MAML2: variants seen among roughly 807,000 people sequenced by gnomAD.
MAML2 encodes mastermind-like protein 2.
Under a neutral mutation model 96.1 loss-of-function variants are expected in MAML2, and 22 were observed. The observed-to-expected ratio is 0.23, with a 90% CI of 0.16 to 0.33. MAML2 has a LOEUF of 0.33. Ranked by LOEUF, MAML2 falls within the 10% of genes least tolerant of loss-of-function variation. The probability of loss-of-function intolerance (pLI) is 1.00; values close to 1 mark genes in which losing one functional copy is unlikely to be tolerated. For synonymous variants in MAML2, 561 were observed against 521.3 expected (o/e 1.08, Z -1.04); for missense variants, 1,367 against 1,392.4 (o/e 0.98, Z 0.29).
At chr11:96,159,442 T>C (rs1264359005) in intron 1 of MAML2, among the ~76,000 whole-genome samples, 2 of 110,138 alleles carry the variant, frequency 1.8e-5, no homozygotes, top group Non-Finnish European at 3.7e-5. Context: ...AGACGGAGTC[T>C]CGCTCTGTCA....
chr11:96,183,402 C>CA (rs928286549), intron 1 of MAML2, among the ~76,000 whole-genome samples: 9 of 51,430 alleles, frequency 1.7e-4, no homozygotes, highest in Non-Finnish European at 3.2e-4. Flanking sequence ...CTCCCCCCCC[C>CA]CCCTTTCTTT....
chr11:96,259,109 G>A (rs1441709517), intron 1 of MAML2, among the ~76,000 whole-genome samples: 1 of 152,112 alleles, frequency 6.6e-6, no homozygotes, highest in Non-Finnish European at 1.5e-5. Context: ...CTTGTATCTT[G>A]AAGTTCCTTC....
In MAML2 at chr11:96,148,479, G is replaced by A. The variant is rs141777998; in HGVS notation, c.514-54962C>T. ...TAACATGAAAAAAAAAAAAGCCTAGGTGTGGTCATTCTTTCTGGAGGCCTG... is the reference window on the plus strand; with the variant it reads ...TAACATGAAAAAAAAAAAAGCCTAGATGTGGTCATTCTTTCTGGAGGCCTG... On this transcript the variant is annotated intron_variant, in intron 1 of 4. Coordinates refer to ENST00000524717, the MANE Select transcript of MAML2 (RefSeq NM_032427.4). 3.1e-3 allele frequency among the ~76,000 whole-genome samples: 476 copies of A among 151,902 alleles called. 2 individuals carry two copies. Among genetic ancestry groups the A allele is most frequent in the Middle Eastern group, 0.01 (3 of 294 alleles).
Position 96,092,628 on chromosome 11 carries a change from G to A in MAML2, c.1403C>T (p.Ala468Val). The A allele has an allele frequency of 6.2e-7, 1 of 1,613,770 alleles. No homozygotes were observed. The highest frequency in any genetic ancestry group is 8.5e-7 in the Non-Finnish European group (1 of 1,179,782). Reference sequence around the variant, plus strand: ...CCCAAATGGACCTGGTGATGGTCCAGCAGAAGAGGGCAAGGCTGACCAGTT... The same window carrying A: ...CCCAAATGGACCTGGTGATGGTCCAACAGAAGAGGGCAAGGCTGACCAGTT... The part of the protein sequence containing the change: ...PTNWSALPSS[A>V]GPSPGPFGQE... Residue 468 changes from alanine to valine, a missense_variant, in exon 2 of 5, where the codon GCT (alanine) becomes GTT (valine). Coordinates refer to ENST00000524717, the MANE Select transcript of MAML2 (RefSeq NM_032427.4). The surrounding 1 kb of genome is among the most constrained non-coding windows in gnomAD (Gnocchi z 4.1).
chr11:96,116,407 T>C (rs904523025), intron 1 of MAML2, among the ~76,000 whole-genome samples: 1 of 152,144 alleles, frequency 6.6e-6, no homozygotes, highest in African/African-American at 2.4e-5. Flanking sequence ...ATTATAACAC[T>C]GAAGATTTGG....
intron 1 of MAML2, among the ~76,000 whole-genome samples, chr11:96,122,217 A>G (rs1860360162): frequency 6.6e-6 from 1 of 152,000 alleles, no homozygotes; most frequent in South Asian, 2.1e-4. Context: ...ATGTAGATAC[A>G]GCTATGCTTT....
chr11:95,994,738 T>A (rs1227913746), intron 2 of MAML2, among the ~76,000 whole-genome samples: 1 of 152,240 alleles, frequency 6.6e-6, no homozygotes, highest in Non-Finnish European at 1.5e-5. Context: ...GAGTTTTATG[T>A]AAGACTTTCA....
At chr11:96,273,305 A>T (rs1862941130) in intron 1 of MAML2, among the ~76,000 whole-genome samples, 1 of 152,216 alleles carries the variant, frequency 6.6e-6, no homozygotes. Flanking sequence ...TTTTGGAAAA[A>T]AAGTTTATCT....
chr11:96,025,799 G>T (rs931386025), intron 2 of MAML2, among the ~76,000 whole-genome samples: 1 of 151,942 alleles, frequency 6.6e-6, no homozygotes, highest in African/African-American at 2.4e-5. Flanking sequence ...TTGACCTCAT[G>T]ATCCGCCCAC....
At chr11:96,068,134 A>C (rs1230219770) in intron 2 of MAML2, among the ~76,000 whole-genome samples, 3 of 152,176 alleles carry the variant, frequency 2.0e-5, no homozygotes, top group Non-Finnish European at 4.4e-5. Flanking sequence ...TAATTATCTG[A>C]GTATCCTGAG....
At chr11:96,022,296 C>G (rs1385261950) in intron 2 of MAML2, among the ~76,000 whole-genome samples, 1 of 152,210 alleles carries the variant, frequency 6.6e-6, no homozygotes, top group African/African-American at 2.4e-5. Flanking sequence ...GACCCCAGTG[C>G]CTGTCCTATA....
At chr11:96,000,440 C>T (rs1404687608) in intron 2 of MAML2, among the ~76,000 whole-genome samples, 1 of 152,172 alleles carries the variant, frequency 6.6e-6, no homozygotes, top group Non-Finnish European at 1.5e-5. Context: ...AGACCTACGG[C>T]ACACAAAGCC....
intron 1 of MAML2, among the ~76,000 whole-genome samples, chr11:96,335,754 C>A (rs962790770): frequency 1.2e-4 from 19 of 152,184 alleles, no homozygotes; most frequent in African/African-American, 4.3e-4. Flanking sequence ...TTCTGATTTG[C>A]TCTTACCGGA....
intron 1 of MAML2, among the ~76,000 whole-genome samples, chr11:96,180,977 G>A (rs866161274): frequency 2.6e-5 from 4 of 151,556 alleles, no homozygotes; most frequent in African/African-American, 9.7e-5. Context: ...GGGGTCGCAA[G>A]GTGCTCAGTG....
intron 1 of MAML2, among the ~76,000 whole-genome samples, chr11:96,128,876 G>A (rs999264810): frequency 1.3e-5 from 2 of 151,972 alleles, no homozygotes; most frequent in African/African-American, 4.8e-5. Context: ...TGGCATTGAC[G>A]AAAAAAGTAT....
chr11:96,208,362 T>C (rs1861923377), intron 1 of MAML2, among the ~76,000 whole-genome samples: 2 of 152,236 alleles, frequency 1.3e-5, no homozygotes, highest in African/African-American at 4.8e-5. Flanking sequence ...AAGAATGAAA[T>C]ATAATTCAAG....
At chr11:96,251,469 T>A (rs561760008) in intron 1 of MAML2, among the ~76,000 whole-genome samples, 1 of 152,342 alleles carries the variant, frequency 6.6e-6, no homozygotes, top group South Asian at 2.1e-4. Flanking sequence ...TATAACTGAA[T>A]TTTGGAAGAC....
At chr11:96,129,835 C>T (rs1004905541) in intron 1 of MAML2, among the ~76,000 whole-genome samples, 1 of 152,120 alleles carries the variant, frequency 6.6e-6, no homozygotes, top group African/African-American at 2.4e-5. Context: ...CATGTGTACC[C>T]ATGGTTAGCT....
chr11:96,148,510 T>G (rs1860857709), intron 1 of MAML2, among the ~76,000 whole-genome samples: 1 of 151,134 alleles, frequency 6.6e-6, no homozygotes, highest in African/African-American at 2.4e-5. Flanking sequence ...GCCTGGTAGG[T>G]GCCTGTCTAC....
Sources: allele counts gnomAD v4.1 joint callset (sites outside exome capture counted in the v4.1 genomes callset), GRCh38; gene constraint gnomAD v4.1.1; non-coding constraint Gnocchi (gnomAD v3.1); transcripts MANE v1.5; gene names NCBI Gene and HGNC (gene_info 2026-07-23, HGNC 2026-07-21).